RNASET2: variants seen among roughly 807,000 people sequenced by gnomAD.
The protein encoded by RNASET2 is ribonuclease T2.
RNASET2 carries 28 observed loss-of-function variants against 33.9 expected under a neutral mutation model. That is an observed-to-expected ratio of 0.83 (90% CI 0.61 to 1.13). RNASET2 has a LOEUF of 1.13. Among genes scored for constraint, RNASET2 ranks in the 50% most tolerant of loss-of-function variants. The pLI, the probability that RNASET2 is intolerant of heterozygous loss-of-function variation, is 0.00. For synonymous variants in RNASET2, 123 were observed against 121.0 expected, an observed-to-expected ratio of 1.02 and a Z score of -0.11; for missense variants, 330 against 319.9, an observed-to-expected ratio of 1.03 and a Z score of -0.24.
chr6:166,936,151 T>C (rs1473927697), intron 6 of RNASET2, among the ~76,000 whole-genome samples: 1 of 152,264 alleles, frequency 6.6e-6, no homozygotes, highest in African/African-American at 2.4e-5. Flanking sequence ...ATAATTTTCC[T>C]ATAATTGTTC....
Position 166,943,081 on chromosome 6 carries a change from C to A in RNASET2, c.270G>T (p.Leu90Phe). ...CAGGCCAGTATGCCCTCATTTCTGG[C>A]AAAAGATCCTATGCATTAAAAAATA... Reference protein sequence around the residue: ...PFNLEEIKDLLPEMRAYWPDV... With the variant: ...PFNLEEIKDLFPEMRAYWPDV... Residue 90 changes from leucine to phenylalanine, a missense_variant, in exon 5 of 9, where the codon TTG (leucine) becomes TTT (phenylalanine). Physicochemically the swap from Leu to Phe is conservative, Grantham distance 22. Transcript: ENST00000508775. 6.2e-7 allele frequency: 1 copy of A among 1,612,516 alleles called. No individual in the cohort carries two copies. Among genetic ancestry groups the A allele is most frequent in the East Asian group, 2.2e-5 (1 of 44,848 alleles).
At chr6:166,932,578 T>C (rs1322530454) in intron 7 of RNASET2, 1 of 152,220 alleles carries the variant, frequency 6.6e-6, no homozygotes, top group Non-Finnish European at 1.5e-5. Flanking sequence ...GCAGCCCTGA[T>C]TTCCCCATAA....
chr6:166,932,942 C>T (rs1778482959), intron 7 of RNASET2: 1 of 152,176 alleles, frequency 6.6e-6, no homozygotes, highest in South Asian at 2.1e-4. Flanking sequence ...GGCTGGTAGA[C>T]TCCTTCCTCA....
rs1778334262 is a variant in RNASET2, at chr6:166,928,048, C to T, written c.*1540G>A. Among the ~76,000 whole-genome samples, 1 of 152,222 alleles carries T rather than the reference C, an allele frequency of 6.6e-6. No homozygotes were observed. Among genetic ancestry groups the T allele is most frequent in the African/African-American group, 2.4e-5 (1 of 41,452 alleles). ...TCCCCACAGCTTGCAGAAGAGGGCT[C>T]AGCTCCTCCATTACAGAAGAGACAA... On this transcript the variant is annotated 3_prime_UTR_variant, in exon 9 of 9. Transcript: ENST00000508775.
At position 166,933,399 on chromosome 6, in the gene RNASET2, C is replaced by A. The variant is rs1018226389; in HGVS notation, c.492+692G>T. 2.0e-5 allele frequency: 3 copies of A among 152,062 alleles called. No individual in the cohort carries two copies. Among genetic ancestry groups the A allele is most frequent in the Non-Finnish European group, 2.9e-5 (2 of 68,028 alleles). The allele number at this position is 152,062 out of a possible 1,614,324, so 9.4% of individuals were successfully genotyped here. A position where few individuals can be genotyped will look rare whatever the true frequency, so the allele number is the denominator to read the frequency against. ...TAAAGAGACGTGATCTGGCTGTCGC[C>A]CAGACTGGAGTGCAGTGGGGCGACC... On this transcript the variant is annotated intron_variant, in intron 7 of 8. Coordinates refer to ENST00000508775, the MANE Select transcript of RNASET2 (RefSeq NM_003730.6). This position sits in a 1 kb window ranked among gnomAD's most constrained non-coding sequence, Gnocchi z 4.1.
intron 2 of RNASET2, among the ~76,000 whole-genome samples, chr6:166,949,265 AGGCGGAGGT>A (rs950892252): frequency 6.9e-6 from 1 of 144,212 alleles, no homozygotes; most frequent in Non-Finnish European, 1.5e-5. Flanking sequence ...GCACTTTGGG[AGGCGGAGGT>A]GGGCAGATCA....
At chr6:166,942,691 C>T (rs1035845483) in intron 5 of RNASET2, among the ~76,000 whole-genome samples, 2 of 152,160 alleles carry the variant, frequency 1.3e-5, no homozygotes, top group African/African-American at 4.8e-5. Flanking sequence ...ATCCACCCGC[C>T]TCAGCCTCCC....
At position 166,933,040 on chromosome 6, in the gene RNASET2, C is replaced by T. The variant is rs1778485035; in HGVS notation, c.492+1051G>A. On this transcript the variant is annotated intron_variant, in intron 7 of 8. Transcript: ENST00000508775. This position sits in a 1 kb window ranked among gnomAD's most constrained non-coding sequence, Gnocchi z 4.1. ...AAGACACTGTTGCCAATTTATTTCA[C>T]AAACAGTCAAGATACCAAAATAATT... 1 of 152,224 alleles carries T rather than the reference C, an allele frequency of 6.6e-6. No homozygotes were observed. The allele number at this position is 152,224 out of a possible 1,614,324, so 9.4% of individuals were successfully genotyped here. A position where few individuals can be genotyped will look rare whatever the true frequency, so the allele number is the denominator to read the frequency against.
intron 5 of RNASET2, among the ~76,000 whole-genome samples, chr6:166,941,807 G>A (rs980184730): frequency 3.3e-5 from 5 of 152,176 alleles, no homozygotes; most frequent in African/African-American, 1.2e-4. Flanking sequence ...TTGCAATATT[G>A]AAGTGGGATA....
chr6:166,954,684 G>A (rs921802317), intron 1 of RNASET2, among the ~76,000 whole-genome samples: 6 of 152,192 alleles, frequency 3.9e-5, no homozygotes, highest in Non-Finnish European at 7.3e-5. Context: ...ACATTTTAAT[G>A]TACATGATTA....
rs572181487 is a variant in RNASET2, at chr6:166,922,898, C to G, written c.*6690G>C. ...GTACACGCCAGGTTCAATGTCTTTG[C>G]TGGTAAAAATGGGCCACTGTCACTC... On this transcript the variant is annotated 3_prime_UTR_variant, in exon 9 of 9. Coordinates refer to ENST00000508775, the MANE Select transcript of RNASET2 (RefSeq NM_003730.6). Among the ~76,000 whole-genome samples, 441 of 152,276 alleles carry G rather than the reference C, an allele frequency of 2.9e-3. 1 individual carries two copies. The highest frequency in any genetic ancestry group is 4.5e-3 in the Non-Finnish European group (303 of 68,022).
rs1269244661 is a variant in RNASET2 at position 166,952,488 on chromosome 6, C to T, written c.147G>A (p.Glu49=). Residue 49 remains glutamate (E), a splice_region_variant and synonymous_variant, in exon 2 of 9, where the codon GAG becomes GAA. Coordinates refer to ENST00000508775, the MANE Select transcript of RNASET2 (RefSeq NM_003730.6). ...GGCCCGTCAAGGCAGAAACACTCAC[C>T]TCGCATACTGTCTCAGGCCAGTGCT... ...MVQHWPETVC[E]KIQNDCRDPP... is the part of the protein sequence containing the mutation. 10 of 1,613,718 alleles carry T rather than the reference C, an allele frequency of 6.2e-6. No homozygotes were observed. Among genetic ancestry groups the T allele is most frequent in the African/African-American group, 1.3e-5 (1 of 74,942 alleles).
chr6:166,935,372 A>G (rs1778541374), intron 6 of RNASET2, among the ~76,000 whole-genome samples: 1 of 152,178 alleles, frequency 6.6e-6, no homozygotes, highest in Admixed American at 6.5e-5. Flanking sequence ...GAAAATTTAA[A>G]ATGACATCTG....
chr6:166,955,050 T>C (rs1364034352), intron 1 of RNASET2, among the ~76,000 whole-genome samples: 1 of 143,246 alleles, frequency 7.0e-6, no homozygotes, highest in Non-Finnish European at 1.5e-5. Context: ...AGAAATCCTA[T>C]TAACCCGATC....
At chr6:166,955,319 A>ACACACACG (rs144510854) in intron 1 of RNASET2, among the ~76,000 whole-genome samples, 68 of 64,526 alleles carry the variant, frequency 1.1e-3, no homozygotes, top group Middle Eastern at 9.1e-3. Context: ...ACACACACGC[A>ACACACACG]CACACACGCA....
chr6:166,953,673 G>C (rs1395474236), intron 1 of RNASET2: 4 of 152,298 alleles, frequency 2.6e-5, no homozygotes, highest in Non-Finnish European at 5.9e-5. Flanking sequence ...GATTGCTTGA[G>C]CTCAGGAGTT....
chr6:166,954,940 G>A (rs957592352), intron 1 of RNASET2, among the ~76,000 whole-genome samples: 19 of 152,090 alleles, frequency 1.2e-4, no homozygotes, highest in Non-Finnish European at 2.4e-4. Flanking sequence ...GCAGTGAGCT[G>A]AGGTCACGCC....
intron 5 of RNASET2, 52 bp from the exon 6 acceptor site, chr6:166,939,060 G>T: frequency 1.5e-6 from 2 of 1,321,130 alleles, no homozygotes; most frequent in Non-Finnish European, 2.2e-6. Flanking sequence ...CAGGCTGCGT[G>T]CAGTGGCTCA....
At chr6:166,954,693 T>A (rs958739639) in intron 1 of RNASET2, among the ~76,000 whole-genome samples, 1 of 152,220 alleles carries the variant, frequency 6.6e-6, no homozygotes, top group Non-Finnish European at 1.5e-5. Flanking sequence ...TGTACATGAT[T>A]AAAAATATAT....
Sources: allele counts gnomAD v4.1 joint callset (sites outside exome capture counted in the v4.1 genomes callset), GRCh38; gene constraint gnomAD v4.1.1; non-coding constraint Gnocchi (gnomAD v3.1); transcripts MANE v1.5; gene names NCBI Gene and HGNC (gene_info 2026-07-23, HGNC 2026-07-21).